The following LRRC7 variants were observed in gnomAD, a reference collection of about 807,000 sequenced individuals.
The protein encoded by LRRC7 is leucine rich repeat containing 7, also known as leucine-rich repeat-containing protein 7.
Under a neutral mutation model 175.7 loss-of-function variants are expected in LRRC7, and 23 were observed. The observed-to-expected ratio is 0.13, with a 90% confidence interval of 0.09 to 0.19. The LOEUF is 0.19. Among genes scored for constraint, LRRC7 ranks in the 10% least tolerant of loss-of-function variants. The probability of loss-of-function intolerance (pLI) is 1.00; values close to 1 mark genes in which losing one functional copy is unlikely to be tolerated. For synonymous variants in LRRC7, 685 were observed against 680.9 expected (o/e 1.01, Z -0.09); for missense variants, 1,354 against 1,904.7 (o/e 0.71, Z 5.38).
rs566717675 is a variant in LRRC7 at position 70,076,421 on chromosome 1, G to A, written c.4452+123G>A. 51 of 777,196 alleles carry A rather than the reference G, an allele frequency of 6.6e-5. No homozygotes were observed. In the South Asian group the frequency reaches 7.4e-4, roughly 11 times the overall value. 48.1% of individuals were successfully genotyped at this position (777,196 alleles called of 1,614,324 possible). On this transcript the variant is annotated intron_variant, in intron 24 of 26. Transcript: ENST00000651989. The stretch of plus-strand genomic sequence containing the variant: ...TGCCATCACCATGTTGAATGGGGTA[G>A]GGCCCTCTTTGTGGGGATTTTATCA...
At chr1:69,596,741 T>G (rs1034672879) in intron 1 of LRRC7, among the ~76,000 whole-genome samples, 1 of 152,258 alleles carries the variant, frequency 6.6e-6, no homozygotes, top group Non-Finnish European at 1.5e-5. Context: ...TCCTTGTACC[T>G]ATTTTGAGAG....
chr1:69,727,489 T>A (rs2100804085), intron 2 of LRRC7, among the ~76,000 whole-genome samples: 1 of 152,338 alleles, frequency 6.6e-6, no homozygotes, highest in Non-Finnish European at 1.5e-5. Flanking sequence ...TAAGTAGCTG[T>A]CTTTTCTTTC....
At chr1:69,582,020 C>T (rs1646221174) in intron 1 of LRRC7, among the ~76,000 whole-genome samples, 1 of 152,138 alleles carries the variant, frequency 6.6e-6, no homozygotes, top group Non-Finnish European at 1.5e-5. Flanking sequence ...AAGGTTACAC[C>T]CATTTGCAAT....
At chr1:69,920,972 C>A (rs1450862979) in intron 7 of LRRC7, among the ~76,000 whole-genome samples, 2 of 152,136 alleles carry the variant, frequency 1.3e-5, no homozygotes, top group Admixed American at 6.6e-5. Flanking sequence ...ATTCCCCAAG[C>A]CCCTTTCCCT....
intron 7 of LRRC7, among the ~76,000 whole-genome samples, chr1:69,907,699 C>G (rs2101688866): frequency 6.6e-6 from 1 of 152,324 alleles, no homozygotes; most frequent in Middle Eastern, 3.4e-3. Context: ...CAATGTTCAT[C>G]AAGGACACTG....
At chr1:69,783,594 T>C (rs1423861168) in intron 3 of LRRC7, among the ~76,000 whole-genome samples, 1 of 151,422 alleles carries the variant, frequency 6.6e-6, no homozygotes, top group Non-Finnish European at 1.5e-5. Context: ...CTACTAAAAA[T>C]ACAAAAAATT....
chr1:69,769,503 A>T lies in LRRC7; in HGVS notation c.303+9110A>T, dbSNP rs1205020228. On this transcript the variant is annotated intron_variant, in intron 3 of 26. Transcript: ENST00000651989. The stretch of plus-strand genomic sequence containing the variant: ...TCAAAACTTAGTTCCATGCACAAAA[A>T]TTATTTTAAAATATTGTATAAAATT... 3.9e-5 allele frequency among the ~76,000 whole-genome samples: 6 copies of T among 152,302 alleles called. No homozygotes were observed. In the East Asian group the frequency reaches 1.2e-3, roughly 29 times the overall value.
chr1:69,826,790 G>A (rs1679961475), intron 5 of LRRC7, among the ~76,000 whole-genome samples: 1 of 152,078 alleles, frequency 6.6e-6, no homozygotes, highest in Non-Finnish European at 1.5e-5. Flanking sequence ...AGTATTTTTA[G>A]AAGAAGACAT....
intron 7 of LRRC7, among the ~76,000 whole-genome samples, chr1:69,878,243 G>A (rs1686218906): frequency 7.0e-6 from 1 of 143,466 alleles, no homozygotes; most frequent in African/African-American, 2.5e-5. Flanking sequence ...TCTTGGAGAA[G>A]TAAAGTCACT....
At chr1:69,728,297 T>C (rs75967241) in intron 2 of LRRC7, among the ~76,000 whole-genome samples, 2,740 of 152,216 alleles carry the variant, frequency 0.018, 76 homozygotes, top group African/African-American at 0.061. Context: ...CTAGAAACTG[T>C]TTGAAATGGG....
Position 70,042,425 on chromosome 1 carries a change from G to A in LRRC7, c.3970-1529G>A, listed in dbSNP as rs1003945360. ...TTACACAAGAAATTACAAGATCTCT[G>A]TCCATTCTACGTAAAAGACAATTGC... On this transcript the variant is annotated intron_variant, in intron 21 of 26. Coordinates refer to ENST00000651989, the MANE Select transcript of LRRC7 (RefSeq NM_001370785.2). Among the ~76,000 whole-genome samples the A allele has an allele frequency of 2.4e-4, 36 of 152,292 alleles. 1 individual carries two copies. Among genetic ancestry groups the A allele is most frequent in the African/African-American group, 7.9e-4 (33 of 41,552 alleles).
intron 4 of LRRC7, among the ~76,000 whole-genome samples, 164 bp from the exon 5 acceptor site, chr1:69,825,584 A>C (rs1442924866): frequency 6.6e-6 from 1 of 151,964 alleles, no homozygotes; most frequent in Non-Finnish European, 1.5e-5. Context: ...GATTAATAAT[A>C]TTGATATGTT....
Position 69,568,369 on chromosome 1 carries a change from C to T in LRRC7, c.-271C>T, listed in dbSNP as rs113503963. 19,988 of 206,932 alleles carry T rather than the reference C, an allele frequency of 0.097. 1,152 individuals carry two copies. The highest frequency in any genetic ancestry group is 0.13 in the Admixed American group (2,017 of 15,652). The allele number at this position is 206,932 out of a possible 1,614,324, so 12.8% of individuals were successfully genotyped here. ...GGGAGTGGACGCGCTCCTGCCTCCCCCGCCGGCGCTTCGGGCTTCCCCTCA... is the reference window on the plus strand; with the variant it reads ...GGGAGTGGACGCGCTCCTGCCTCCCTCGCCGGCGCTTCGGGCTTCCCCTCA... On this transcript the variant is annotated 5_prime_UTR_variant, in exon 1 of 27. Coordinates refer to ENST00000651989, the MANE Select transcript of LRRC7 (RefSeq NM_001370785.2).
chr1:69,999,886 T>C (rs1655365498), intron 11 of LRRC7, among the ~76,000 whole-genome samples: 1 of 152,170 alleles, frequency 6.6e-6, no homozygotes, highest in Non-Finnish European at 1.5e-5. Context: ...CCAGGTCTTC[T>C]TCTGTAAAGT....
chr1:69,654,994 A>T (rs1365865930), intron 1 of LRRC7, among the ~76,000 whole-genome samples: 7 of 151,994 alleles, frequency 4.6e-5, no homozygotes, highest in Non-Finnish European at 1.0e-4. Context: ...ATCATAACTG[A>T]GGTTTTCCCC....
chr1:69,951,463 A>G (rs1649916683), intron 8 of LRRC7, among the ~76,000 whole-genome samples: 1 of 152,030 alleles, frequency 6.6e-6, no homozygotes, highest in South Asian at 2.1e-4. Flanking sequence ...AATATAAATC[A>G]TTCTGCCATG....
chr1:69,640,823 A>C (rs971053887), intron 1 of LRRC7, among the ~76,000 whole-genome samples: 2 of 151,510 alleles, frequency 1.3e-5, no homozygotes, highest in Non-Finnish European at 3.0e-5. Context: ...GAATTTGGAA[A>C]AGAAAAAATC....
intron 7 of LRRC7, among the ~76,000 whole-genome samples, chr1:69,903,055 A>AT (rs907067294): frequency 1.3e-5 from 2 of 152,174 alleles, no homozygotes; most frequent in Non-Finnish European, 2.9e-5. Context: ...GATAATAGTC[A>AT]TTTTTTTAGC....
chr1:69,662,373 A>G (rs1557562970), intron 1 of LRRC7, among the ~76,000 whole-genome samples: 1 of 152,218 alleles, frequency 6.6e-6, no homozygotes, highest in Non-Finnish European at 1.5e-5. Flanking sequence ...TCTGAATTCT[A>G]TTTCTTTATA....
Sources: gnomAD v4.1 joint callset for allele counts (sites outside exome capture counted in the v4.1 genomes callset) on GRCh38, gnomAD v4.1.1 for gene constraint, MANE v1.5 for transcripts, NCBI Gene and HGNC (gene_info 2026-07-23, HGNC 2026-07-21) for gene names.